USH2A: variants seen among roughly 807,000 people sequenced by gnomAD.
USH2A encodes usherin.
USH2A carries 443 observed loss-of-function variants against 538.9 expected under a neutral mutation model. The observed-to-expected ratio is 0.82, with a 90% CI of 0.76 to 0.89. The LOEUF is 0.89. USH2A is among the 40% of genes least tolerant of loss of function. The pLI is 0.00. For synonymous variants in USH2A, 2,413 were observed against 2,273.5 expected (o/e 1.06, Z -1.75); for missense variants, 6,633 against 6,324.8 (o/e 1.05, Z -1.65).
intron 55 of USH2A, 125 bp downstream of exon 55, chr1:215,779,718 T>A: frequency 8.6e-7 from 1 of 1,156,220 alleles, no homozygotes; most frequent in Non-Finnish European, 1.2e-6. Flanking sequence ...CCTGACCATA[T>A]GTCAAGAGAA....
intron 61 of USH2A, among the ~76,000 whole-genome samples, chr1:215,696,533 C>T (rs3935224): frequency 0.18 from 27,255 of 152,156 alleles, 2,604 homozygotes; most frequent in Non-Finnish European, 0.21. Context: ...TACCAATTGT[C>T]AGTCTAAACA....
In USH2A at chr1:215,869,561, G is replaced by C. The variant is rs1025914427; in HGVS notation, c.8682-2391C>G. 3.3e-5 allele frequency among the ~76,000 whole-genome samples: 5 copies of C among 152,154 alleles called. No individual in the cohort carries two copies. The East Asian group carries it at 5.8e-4, about 18-fold the overall frequency. Reference sequence around the variant, plus strand: ...ATGAAATGAAGCTAATGGCTCACAAGGGAATTGAACCAGCGACCTTGGCTT... The same window carrying C: ...ATGAAATGAAGCTAATGGCTCACAACGGAATTGAACCAGCGACCTTGGCTT... On this transcript the variant is annotated intron_variant, in intron 43 of 71. Transcript: ENST00000307340.
At chr1:215,901,593 T>G (rs1665503287) in intron 38 of USH2A, 1 of 154,922 alleles carries the variant, frequency 6.5e-6, no homozygotes, top group Non-Finnish European at 1.4e-5. Context: ...TACCACTTTT[T>G]CTAGTCTAGT....
At chr1:216,353,541 G>A (rs186673690) in intron 4 of USH2A, among the ~76,000 whole-genome samples, 2 of 152,248 alleles carry the variant, frequency 1.3e-5, no homozygotes, top group Admixed American at 1.3e-4. Flanking sequence ...TGAAAAATTA[G>A]AGGAGGTAAT....
rs1306095205 is a variant in USH2A at position 215,931,939 on chromosome 1, C to A, written c.7300+2677G>T. Among the ~76,000 whole-genome samples, 11 of 151,924 alleles carry A rather than the reference C, an allele frequency of 7.2e-5. No homozygotes were observed. In the East Asian group the frequency reaches 9.7e-4, roughly 13 times the overall value. ...GATAGACCAATTTCTAGGTTTGAGG[C>A]TAAAAAATGAGTAGGATTTGGCCAG... On this transcript the variant is annotated intron_variant, in intron 38 of 71. Transcript: ENST00000307340.
chr1:215,960,630 A>G (rs987547974), intron 37 of USH2A, among the ~76,000 whole-genome samples: 1 of 152,098 alleles, frequency 6.6e-6, no homozygotes, highest in Admixed American at 6.6e-5. Context: ...AGATGTTTCA[A>G]ATCAGGTAGA....
At chr1:215,779,239 G>A (rs939605719) in intron 55 of USH2A, among the ~76,000 whole-genome samples, 1 of 152,156 alleles carries the variant, frequency 6.6e-6, no homozygotes, top group Non-Finnish European at 1.5e-5. Flanking sequence ...TGGCATTTAA[G>A]CTAAAACCTG....
At chr1:215,726,519 A>G (rs577246473) in intron 61 of USH2A, among the ~76,000 whole-genome samples, 2 of 152,340 alleles carry the variant, frequency 1.3e-5, no homozygotes, top group East Asian at 3.9e-4. Context: ...GTTTAATGAA[A>G]ATATATTTGC....
At chr1:215,906,921 C>T (rs1302525396) in intron 38 of USH2A, among the ~76,000 whole-genome samples, 1 of 151,948 alleles carries the variant, frequency 6.6e-6, no homozygotes, top group African/African-American at 2.4e-5. Flanking sequence ...AGGCAGAAAA[C>T]TTAAAAGTCA....
chr1:215,713,156 A>G (rs2102699931), intron 61 of USH2A, among the ~76,000 whole-genome samples: 1 of 152,346 alleles, frequency 6.6e-6, no homozygotes, highest in South Asian at 2.1e-4. Flanking sequence ...ATCTCCAGAC[A>G]GGACCCTGTC....
chr1:216,130,621 T>C (rs2033355147), intron 21 of USH2A, among the ~76,000 whole-genome samples: 3 of 146,388 alleles, frequency 2.0e-5, no homozygotes, highest in Non-Finnish European at 3.0e-5. Flanking sequence ...ACTATATATA[T>C]ACATATATCT....
At chr1:216,180,068 T>A (rs1234314610) in intron 20 of USH2A, among the ~76,000 whole-genome samples, 1 of 152,096 alleles carries the variant, frequency 6.6e-6, no homozygotes, top group Non-Finnish European at 1.5e-5. Flanking sequence ...TATACATATT[T>A]GCTTTATGTT....
At chr1:216,374,340 T>C (rs537479130) in intron 3 of USH2A, among the ~76,000 whole-genome samples, 151 of 152,084 alleles carry the variant, frequency 9.9e-4, no homozygotes, top group African/African-American at 3.6e-3. Flanking sequence ...ATCTTAATAC[T>C]GTTAAAGAGG....
intron 13 of USH2A, among the ~76,000 whole-genome samples, chr1:216,239,138 CA>C (rs2035885556): frequency 1.3e-5 from 2 of 150,132 alleles, no homozygotes; most frequent in Admixed American, 1.3e-4. Context: ...ATTTCTGAAG[CA>C]AAACAAAAAA....
intron 9 of USH2A, 80 bp downstream of exon 9, chr1:216,321,803 C>T: frequency 7.9e-7 from 1 of 1,271,632 alleles, no homozygotes; most frequent in South Asian, 1.2e-5. Flanking sequence ...ATTTGTTAGG[C>T]CAAGATTAAG....
At chr1:215,982,723 A>G (rs149633674) in intron 35 of USH2A, among the ~76,000 whole-genome samples, 2 of 152,316 alleles carry the variant, frequency 1.3e-5, no homozygotes, top group African/African-American at 4.8e-5. Flanking sequence ...GCATGCTGGT[A>G]ATACAGAAGT....
At chr1:215,672,481 T>C (rs1657849901) in intron 63 of USH2A, among the ~76,000 whole-genome samples, 1 of 152,220 alleles carries the variant, frequency 6.6e-6, no homozygotes, top group Non-Finnish European at 1.5e-5. Context: ...TACCAGTTTA[T>C]TGGTGATCAA....
intron 38 of USH2A, among the ~76,000 whole-genome samples, chr1:215,922,800 CA>C (rs1285932954): frequency 6.6e-6 from 1 of 152,028 alleles, no homozygotes; most frequent in Non-Finnish European, 1.5e-5. Context: ...TCACATCTGC[CA>C]TTTTAGAGAT....
At chr1:215,852,032 C>T (rs1439093725) in intron 44 of USH2A, among the ~76,000 whole-genome samples, 1 of 152,140 alleles carries the variant, frequency 6.6e-6, no homozygotes, top group Non-Finnish European at 1.5e-5. Context: ...ATAGAAAGGA[C>T]ATACTTTAAT....
Sources: allele counts gnomAD v4.1 joint callset (sites outside exome capture counted in the v4.1 genomes callset), GRCh38; gene constraint gnomAD v4.1.1; transcripts MANE v1.5; gene names NCBI Gene and HGNC (gene_info 2026-07-23, HGNC 2026-07-21).